Variants in LIPA observed in about 807,000 individuals in gnomAD.
The protein encoded by LIPA is lysosomal acid lipase/cholesteryl ester hydrolase.
Under a neutral mutation model 40.6 loss-of-function variants are expected in LIPA, and 26 were observed. That is an observed-to-expected ratio of 0.64 (90% confidence interval 0.47 to 0.89). The LOEUF (loss-of-function observed/expected upper bound fraction) is 0.89. Among genes scored for constraint, LIPA ranks in the 40% least tolerant of loss-of-function variants. The probability of loss-of-function intolerance (pLI) is 0.00; values close to 1 mark genes in which losing one functional copy is unlikely to be tolerated. For synonymous variants in LIPA, 188 were observed against 168.4 expected (o/e 1.12, Z -0.90); for missense variants, 455 against 479.6 (o/e 0.95, Z 0.48).
intron 2 of LIPA, among the ~76,000 whole-genome samples, chr10:89,350,805 G>T (rs571566564): frequency 1.3e-5 from 2 of 152,182 alleles, no homozygotes; most frequent in Non-Finnish European, 2.9e-5. Context: ...TAGGGAAACA[G>T]AGTCTTCACA....
chr10:89,316,729 G>A (rs1249943662), intron 1 of LIPA, among the ~76,000 whole-genome samples: 1 of 152,234 alleles, frequency 6.6e-6, no homozygotes, highest in African/African-American at 2.4e-5. Context: ...GGTTCTCCCA[G>A]CACGGAGTTT....
intron 1 of LIPA, among the ~76,000 whole-genome samples, chr10:89,290,092 A>T (rs1450239360): frequency 6.6e-6 from 1 of 152,174 alleles, no homozygotes; most frequent in Non-Finnish European, 1.5e-5. Flanking sequence ...AAAAACTCAA[A>T]GATAGAGCCT....
At chr10:89,344,861 G>T (rs964187014), upstream of LIPA, among the ~76,000 whole-genome samples, 1 of 152,122 alleles carries the variant, frequency 6.6e-6, no homozygotes, top group Non-Finnish European at 1.5e-5. Flanking sequence ...CGATAAGCCA[G>T]AGCAACAAAA....
chr10:89,276,423 A>G (rs1843289359), intron 1 of LIPA, among the ~76,000 whole-genome samples: 1 of 152,244 alleles, frequency 6.6e-6, no homozygotes, highest in Non-Finnish European at 1.5e-5. Flanking sequence ...AGATAGACAC[A>G]AATTCAAAAG....
intron 3 of LIPA, among the ~76,000 whole-genome samples, chr10:89,241,928 C>A (rs981533126): frequency 6.6e-6 from 1 of 152,144 alleles, no homozygotes; most frequent in Non-Finnish European, 1.5e-5. Context: ...CAGGACATGA[C>A]CCTCTGCCCT....
At position 89,250,098 on chromosome 10, in the gene LIPA, C is replaced by CTTTCTTTTTTT. The variant is rs1564767178; in HGVS notation, c.-2+1638_-2+1639insAAAAAAAGAAA. Among the ~76,000 whole-genome samples, 356 of 101,428 alleles carry CTTTCTTTTTTT rather than the reference C, an allele frequency of 3.5e-3. 6 individuals are homozygous for CTTTCTTTTTTT. The highest frequency in any genetic ancestry group is 4.8e-3 in the Non-Finnish European group (248 of 51,216). 66.5% of individuals were successfully genotyped at this position (101,428 alleles called of 152,430 possible). A position where few individuals can be genotyped will look rare whatever the true frequency, so the allele number is the denominator to read the frequency against. ...TCTTTTTTCTTTTTCTTTTTCTTTTCTTTTCTTTCTTTTTTTTTTTTGAGA... is the reference window on the plus strand; with the variant it reads ...TCTTTTTTCTTTTTCTTTTTCTTTTCTTTCTTTTTTTTTTTCTTTCTTTTTTTTTTTTGAGA... On this transcript the variant is annotated intron_variant, in intron 1 of 9. Transcript: ENST00000336233.
intron 1 of LIPA, among the ~76,000 whole-genome samples, chr10:89,269,809 T>C (rs1843256043): frequency 6.6e-6 from 1 of 152,260 alleles, no homozygotes; most frequent in Non-Finnish European, 1.5e-5. Context: ...CTTTATTCTT[T>C]ACTAAAATGT....
intron 1 of LIPA, among the ~76,000 whole-genome samples, chr10:89,299,576 G>A (rs575075226): frequency 1.3e-5 from 2 of 152,206 alleles, no homozygotes; most frequent in South Asian, 4.1e-4. Flanking sequence ...TAAAGTCAGT[G>A]ACAAAAAGAA....
intron 1 of LIPA, among the ~76,000 whole-genome samples, chr10:89,329,188 A>G (rs1031787749): frequency 1.3e-5 from 2 of 152,052 alleles, no homozygotes; most frequent in Non-Finnish European, 2.9e-5. Context: ...GAAAAGGAAA[A>G]CTGGATTCCC....
At chr10:89,302,055 G>A (rs577545212) in intron 1 of LIPA, 4 of 1,596,352 alleles carry the variant, frequency 2.5e-6, no homozygotes, top group South Asian at 1.1e-5. Context: ...TGGCAGAAGA[G>A]GAAGATTTCT....
At chr10:89,246,940 CTT>C (rs1490145628) in intron 2 of LIPA, among the ~76,000 whole-genome samples, 3 of 151,970 alleles carry the variant, frequency 2.0e-5, no homozygotes, top group African/African-American at 7.3e-5. Flanking sequence ...TTTAAACAAA[CTT>C]AGTGAGACTT....
At chr10:89,358,713 C>G (rs867436965) in intron 2 of LIPA, among the ~76,000 whole-genome samples, 42 of 152,170 alleles carry the variant, frequency 2.8e-4, no homozygotes, top group Middle Eastern at 6.8e-3. Context: ...TATGCGGGAA[C>G]TAAGAACAAA....
intron 3 of LIPA, 111 bp from the exon 4 acceptor site, chr10:89,228,509 A>T (rs1351732153): frequency 2.1e-6 from 2 of 935,242 alleles, no homozygotes; most frequent in Non-Finnish European, 3.4e-6. Context: ...ATGAACTAGA[A>T]ATAAATTGAA....
chr10:89,335,506 T>C (rs1843721177), intron 1 of LIPA: 1 of 147,342 alleles, frequency 6.8e-6, no homozygotes. Flanking sequence ...TTTGGTAAGA[T>C]CCCTGGTGCA....
At chr10:89,367,811 G>A (rs1327549022) in intron 2 of LIPA, among the ~76,000 whole-genome samples, 1 of 151,974 alleles carries the variant, frequency 6.6e-6, no homozygotes, top group Non-Finnish European at 1.5e-5. Context: ...TTTTGTGCCA[G>A]AAACAGAAAC....
At chr10:89,414,582 C>T (rs953825302), upstream of LIPA, 16 of 468,780 alleles carry the variant, frequency 3.4e-5, no homozygotes, top group Non-Finnish European at 5.6e-5. Context: ...TCTGAGCGCT[C>T]GGCATCTGAT....
At chr10:89,361,876 T>A (rs906677947) in intron 2 of LIPA, among the ~76,000 whole-genome samples, 1 of 7,472 alleles carries the variant, frequency 1.3e-4, no homozygotes, top group African/African-American at 8.3e-4. Flanking sequence ...TCCACCTGCC[T>A]TTTTTTTTTT....
chr10:89,307,393 C>T, intron 1 of LIPA: 1 of 1,558,200 alleles, frequency 6.4e-7, no homozygotes, highest in Non-Finnish European at 8.7e-7. Flanking sequence ...AGATGTGGTG[C>T]CCACTAGGCT....
intron 1 of LIPA, chr10:89,314,728 G>A (rs946185651): frequency 2.6e-5 from 4 of 152,206 alleles, no homozygotes; most frequent in African/African-American, 9.7e-5. Flanking sequence ...GTCACCATGT[G>A]CAACTGTTGC....
Sources: allele counts gnomAD v4.1 joint callset (sites outside exome capture counted in the v4.1 genomes callset), GRCh38; gene constraint gnomAD v4.1.1; transcripts MANE v1.5; gene names NCBI Gene and HGNC (gene_info 2026-07-23, HGNC 2026-07-21).